The following TTC7A variants were observed in gnomAD, a reference collection of about 807,000 sequenced individuals.
TTC7A encodes the protein tetratricopeptide repeat domain 7A.
A neutral mutation model predicts 103.7 loss-of-function variants in TTC7A; 110 were observed. The ratio of observed to expected loss-of-function variants is 1.06; its 90% CI spans 0.91 to 1.24. The LOEUF (loss-of-function observed/expected upper bound fraction) is 1.24, where lower values mean the gene tolerates loss of function less well. Among genes scored for constraint, TTC7A ranks in the 50% most tolerant of loss-of-function variants. The pLI is 0.00. For missense variants in TTC7A, 1,340 were observed against 1,116.3 expected (o/e 1.20, Z -2.86); for synonymous variants, 521 against 467.9 (o/e 1.11, Z -1.47).
At chr2:46,980,810 C>A (rs1044679239) in intron 5 of TTC7A, among the ~76,000 whole-genome samples, 1 of 152,254 alleles carries the variant, frequency 6.6e-6, no homozygotes, top group African/African-American at 2.4e-5. Flanking sequence ...CAGGTTCCCA[C>A]AACCTCTTCT....
chr2:46,965,235 C>T (rs1558515930), intron 3 of TTC7A, among the ~76,000 whole-genome samples: 1 of 152,226 alleles, frequency 6.6e-6, no homozygotes. Flanking sequence ...CTGATTAAAA[C>T]TTTTTAAAAA....
At chr2:46,961,462 A>C (rs1007287520) in intron 3 of TTC7A, among the ~76,000 whole-genome samples, 28 of 152,034 alleles carry the variant, frequency 1.8e-4, no homozygotes, top group African/African-American at 6.8e-4. Flanking sequence ...CTGTAGTCCC[A>C]GCTACTCAGG....
chr2:47,059,230 C>T (rs1683575509), intron 18 of TTC7A, among the ~76,000 whole-genome samples: 2 of 151,718 alleles, frequency 1.3e-5, no homozygotes, highest in African/African-American at 4.8e-5. Context: ...ACCATCCTGG[C>T]CAGGCTGGTC....
chr2:47,033,543 G>A lies in TTC7A; in HGVS notation c.1802+4159G>A, dbSNP rs539671094. Among the ~76,000 whole-genome samples the A allele has an allele frequency of 2.0e-5, 3 of 152,326 alleles. 1 individual carries two copies. The South Asian group carries it at 6.2e-4, about 32-fold the overall frequency. ...AATGGACCCCTGTCCATGTGAGCTG[G>A]TCCTTGTGTGAGAGCCACAGTGAGG... On this transcript the variant is annotated intron_variant, in intron 15 of 19. Transcript: ENST00000319190.
chr2:47,007,050 G>T lies in TTC7A; in HGVS notation c.1287+326G>T, dbSNP rs1677491494. Among the ~76,000 whole-genome samples the T allele has an allele frequency of 6.6e-6, 1 of 152,188 alleles. No individual in the cohort carries two copies. The highest frequency in any genetic ancestry group is 2.1e-4 in the South Asian group (1 of 4,834). ...TGTGGTGGATATGAGGTGCATCCAG[G>T]TGAGTGAACATTGTTCCACGTGGGC... On this transcript the variant is annotated intron_variant, in intron 10 of 19. Transcript: ENST00000319190. This position sits in a 1 kb window ranked among gnomAD's most constrained non-coding sequence, Gnocchi z 4.9.
chr2:46,960,110 G>T (rs890803758), intron 3 of TTC7A, among the ~76,000 whole-genome samples: 2 of 152,220 alleles, frequency 1.3e-5, no homozygotes, highest in Non-Finnish European at 1.5e-5. Flanking sequence ...GGTCCAGCCA[G>T]GAGTAGGAGA....
intron 18 of TTC7A, 55 bp from the exon 19 acceptor site, chr2:47,060,714 G>T (rs1289387426): frequency 6.6e-7 from 1 of 1,526,484 alleles, no homozygotes; most frequent in Non-Finnish European, 8.9e-7. Context: ...GAGGGGGTCA[G>T]GATGCCTCTG....
Position 47,036,992 on chromosome 2 carries a change from G to C in TTC7A, c.1802+7608G>C, listed in dbSNP as rs531243541. On this transcript the variant is annotated intron_variant, in intron 15 of 19. Transcript: ENST00000319190. ...TTGAATGGGGGTGAGGGGCAGGCTG[G>C]CTCCTGCTCAGAGGGCCCTCCCTGC... Among the ~76,000 whole-genome samples, 20 of 152,294 alleles carry C rather than the reference G, an allele frequency of 1.3e-4. No individual in the cohort carries two copies. In the East Asian group the frequency reaches 3.7e-3, roughly 28 times the overall value.
At chr2:47,039,127 C>T (rs892991528) in intron 15 of TTC7A, among the ~76,000 whole-genome samples, 1 of 152,098 alleles carries the variant, frequency 6.6e-6, no homozygotes, top group South Asian at 2.1e-4. Flanking sequence ...TGAATAGGCA[C>T]CATCAGAGGT....
At chr2:47,045,174 G>A (rs1682183433) in intron 15 of TTC7A, among the ~76,000 whole-genome samples, 1 of 152,250 alleles carries the variant, frequency 6.6e-6, no homozygotes, top group African/African-American at 2.4e-5. Context: ...GGCCCTCGGT[G>A]GTTCAAACTC....
chr2:46,974,642 A>G (rs1229344135), intron 3 of TTC7A: 3 of 465,892 alleles, frequency 6.4e-6, no homozygotes, highest in Non-Finnish European at 1.3e-5. Context: ...GAGGAAAGAA[A>G]AAAATAAATT....
intron 8 of TTC7A, chr2:46,999,861 A>C: frequency 1.0e-6 from 1 of 985,450 alleles, no homozygotes; most frequent in Non-Finnish European, 1.2e-6. Flanking sequence ...TGGAAAGGGT[A>C]CAGAGCCCTG....
intron 3 of TTC7A, among the ~76,000 whole-genome samples, chr2:46,960,609 T>C (rs920374816): frequency 2.0e-5 from 3 of 152,236 alleles, no homozygotes; most frequent in Admixed American, 1.3e-4. Context: ...TACACGCACA[T>C]TACCGTTGGT....
chr2:47,014,597 T>C (rs1437795803), intron 11 of TTC7A, among the ~76,000 whole-genome samples: 1 of 152,204 alleles, frequency 6.6e-6, no homozygotes, highest in Non-Finnish European at 1.5e-5. Context: ...GTGAAAAGAA[T>C]GGGTCTGCCT....
At chr2:46,965,563 AT>A (rs55634000) in intron 3 of TTC7A, among the ~76,000 whole-genome samples, 2,508 of 135,338 alleles carry the variant, frequency 0.019, 37 homozygotes, top group African/African-American at 0.051. Context: ...CCCTGGATTC[AT>A]TTTTTTTTTT....
chr2:47,073,481 G>A (rs1684948167), intron 19 of TTC7A, among the ~76,000 whole-genome samples: 1 of 152,222 alleles, frequency 6.6e-6, no homozygotes, highest in Admixed American at 6.5e-5. Context: ...AGCTCCTGCA[G>A]TGGGTTTCCC....
chr2:46,916,029 A>G (rs985452179), upstream of TTC7A: 2 of 985,226 alleles, frequency 2.0e-6, no homozygotes, highest in East Asian at 2.3e-4. Flanking sequence ...GGGCCGCTGG[A>G]CGCCCTAGGG....
chr2:47,041,314 G>T (rs142252873), intron 15 of TTC7A, among the ~76,000 whole-genome samples: 5 of 152,232 alleles, frequency 3.3e-5, no homozygotes, highest in African/African-American at 1.2e-4. Context: ...TGTGCCAGAC[G>T]CTGGGGGAGG....
chr2:47,031,880 G>A (rs1680580317), intron 15 of TTC7A, among the ~76,000 whole-genome samples: 2 of 152,244 alleles, frequency 1.3e-5, no homozygotes, highest in African/African-American at 4.8e-5. Context: ...AGAAAATGGG[G>A]TCTGCCCAGC....
Sources: gnomAD v4.1 joint callset for allele counts (sites outside exome capture counted in the v4.1 genomes callset) on GRCh38, gnomAD v4.1.1 for gene constraint, Gnocchi (gnomAD v3.1) non-coding constraint, MANE v1.5 for transcripts, NCBI Gene and HGNC (gene_info 2026-07-23, HGNC 2026-07-21) for gene names.